Variants in SPTLC1 observed in about 807,000 individuals in gnomAD.
The protein encoded by SPTLC1 is serine palmitoyltransferase long chain base subunit 1.
Under a neutral mutation model 68.9 loss-of-function variants are expected in SPTLC1, and 55 were observed. The ratio of observed to expected loss-of-function variants is 0.80; its 90% CI spans 0.64 to 1.00. The LOEUF (loss-of-function observed/expected upper bound fraction) is 1.00, where lower values mean the gene tolerates loss of function less well. Among genes scored for constraint, SPTLC1 ranks in the 50% least tolerant of loss-of-function variants. SPTLC1 has a pLI of 0.00. For missense variants in SPTLC1, 449 were observed against 573.1 expected (o/e 0.78, Z 2.21); for synonymous variants, 197 against 201.6 (o/e 0.98, Z 0.19).
intron 5 of SPTLC1, among the ~76,000 whole-genome samples, chr9:92,075,816 G>A (rs1834664130): frequency 1.3e-5 from 2 of 152,062 alleles, no homozygotes; most frequent in South Asian, 4.1e-4. Context: ...ATTGCCTTTG[G>A]ACAGGACTTC....
chr9:92,085,078 A>C (rs998279272), intron 3 of SPTLC1, among the ~76,000 whole-genome samples: 2 of 150,826 alleles, frequency 1.3e-5, no homozygotes, highest in Non-Finnish European at 3.0e-5. Flanking sequence ...CTGTGGGATC[A>C]GTGGTGATAT....
chr9:92,069,338 G>A (rs1020007019), intron 5 of SPTLC1, among the ~76,000 whole-genome samples: 1 of 152,142 alleles, frequency 6.6e-6, no homozygotes, highest in Admixed American at 6.5e-5. Flanking sequence ...CTATTTGTAC[G>A]TTAACACAGT....
rs949073587 is a variant in SPTLC1 at position 92,105,168 on chromosome 9, G to A, written c.260+3572C>T. The A allele has an allele frequency of 7.4e-5, 113 of 1,533,820 alleles. No individual in the cohort carries two copies. In the African/African-American group the frequency reaches 9.9e-4, roughly 13 times the overall value. On this transcript the variant is annotated intron_variant, in intron 3 of 14. Transcript: ENST00000262554. ...CCCAGAGCTGCCGGCCACAGGTCCC[G>A]CAAAAGAAAACTGTCGGGGCCACCG...
chr9:92,085,378 T>C (rs1237036599), intron 3 of SPTLC1, among the ~76,000 whole-genome samples: 4 of 151,470 alleles, frequency 2.6e-5, no homozygotes, highest in Non-Finnish European at 2.9e-5. Context: ...TGTGGGCATT[T>C]AGTGCTATAA....
At chr9:92,042,191 A>G (rs1833374173) in intron 12 of SPTLC1, among the ~76,000 whole-genome samples, 1 of 152,250 alleles carries the variant, frequency 6.6e-6, no homozygotes, top group African/African-American at 2.4e-5. Flanking sequence ...TACTTAATGA[A>G]GAAGTGCTTC....
intron 9 of SPTLC1, among the ~76,000 whole-genome samples, chr9:92,048,275 C>T (rs948027295): frequency 2.6e-5 from 4 of 152,160 alleles, no homozygotes; most frequent in Non-Finnish European, 5.9e-5. Context: ...TCTTTCTGAC[C>T]ACTCAGAACT....
chr9:92,063,266 T>C (rs1394785933), intron 6 of SPTLC1, among the ~76,000 whole-genome samples: 2 of 152,124 alleles, frequency 1.3e-5, no homozygotes, highest in Non-Finnish European at 2.9e-5. Flanking sequence ...CTGACAACTT[T>C]TAAGAAATGG....
intron 3 of SPTLC1, among the ~76,000 whole-genome samples, chr9:92,092,726 T>C (rs1295100710): frequency 6.6e-6 from 1 of 152,058 alleles, no homozygotes; most frequent in African/African-American, 2.4e-5. Flanking sequence ...AGGGCAAGAC[T>C]CCATCCTCCC....
At chr9:92,064,563 A>C (rs1054654547) in intron 6 of SPTLC1, among the ~76,000 whole-genome samples, 15 of 152,260 alleles carry the variant, frequency 9.9e-5, no homozygotes, top group Admixed American at 9.8e-4. Context: ...GTTCCTTTAA[A>C]AACTATGCAA....
intron 7 of SPTLC1, 98 bp from the exon 8 acceptor site, chr9:92,055,592 C>T: frequency 8.3e-7 from 1 of 1,208,214 alleles, no homozygotes; most frequent in South Asian, 1.3e-5. Context: ...AGATTTATTC[C>T]TAAAAAAATA....
chr9:92,111,746 C>T (rs1330693355), intron 2 of SPTLC1: 2 of 152,336 alleles, frequency 1.3e-5, no homozygotes, highest in African/African-American at 4.8e-5. Flanking sequence ...TATTCAAACC[C>T]CCTGAAGCTT....
intron 5 of SPTLC1, chr9:92,079,597 C>T (rs765321765): frequency 3.2e-6 from 5 of 1,561,436 alleles, no homozygotes; most frequent in Non-Finnish European, 8.8e-7. Flanking sequence ...ACTGTTTATC[C>T]CCCCTCCCTC....
chr9:92,056,824 A>G (rs532147666), intron 7 of SPTLC1, among the ~76,000 whole-genome samples: 32 of 152,366 alleles, frequency 2.1e-4, no homozygotes, highest in African/African-American at 7.5e-4. Context: ...AATAAAAAGT[A>G]CATATCACTG....
intron 5 of SPTLC1, among the ~76,000 whole-genome samples, chr9:92,075,317 A>G (rs2118647561): frequency 6.6e-6 from 1 of 152,294 alleles, no homozygotes; most frequent in Non-Finnish European, 1.5e-5. Context: ...GTTGTTGGAT[A>G]CTTCTGCCTT....
At chr9:92,076,155 C>T (rs1166398089) in intron 5 of SPTLC1, among the ~76,000 whole-genome samples, 1 of 152,142 alleles carries the variant, frequency 6.6e-6, no homozygotes, top group Non-Finnish European at 1.5e-5. Flanking sequence ...ACTCTAAATA[C>T]GCCCTTCACA....
In SPTLC1 at chr9:92,082,303, A is replaced by C. The variant is rs541247375; in HGVS notation, c.261-1340T>G. 2.0e-5 allele frequency among the ~76,000 whole-genome samples: 3 copies of C among 151,888 alleles called. No homozygotes were observed. The South Asian group carries it at 6.3e-4, about 32-fold the overall frequency. ...TGTGCACAATGTGCAGGTTAGTTAC[A>C]TATCTATACATGTGACATGCTGGTG... On this transcript the variant is annotated intron_variant, in intron 3 of 14. Transcript: ENST00000262554.
chr9:92,055,516 C>A (rs1456876835), intron 7 of SPTLC1, 22 bp from the exon 8 acceptor site: 2 of 1,610,250 alleles, frequency 1.2e-6, no homozygotes, highest in Admixed American at 3.3e-5. Flanking sequence ...AAAAAGCAGA[C>A]ATCTTACATT....
intron 5 of SPTLC1, among the ~76,000 whole-genome samples, chr9:92,074,605 C>A (rs1834612046): frequency 6.6e-6 from 1 of 152,034 alleles, no homozygotes; most frequent in African/African-American, 2.4e-5. Context: ...AATGCCAATA[C>A]CCCATCCCAC....
chr9:92,041,216 A>T (rs1488122075), intron 12 of SPTLC1, among the ~76,000 whole-genome samples: 1 of 152,244 alleles, frequency 6.6e-6, no homozygotes, highest in Admixed American at 6.5e-5. Flanking sequence ...CTCAGAGATG[A>T]GAGAAGTGAG....
Sources: allele counts gnomAD v4.1 joint callset (sites outside exome capture counted in the v4.1 genomes callset), GRCh38; gene constraint gnomAD v4.1.1; transcripts MANE v1.5; gene names NCBI Gene and HGNC (gene_info 2026-07-23, HGNC 2026-07-21).